WNK1: variants seen among roughly 807,000 people sequenced by gnomAD.
The protein encoded by WNK1 is serine/threonine-protein kinase WNK1.
WNK1 carries 38 observed loss-of-function variants against 222.8 expected under a neutral mutation model. That is an observed-to-expected ratio of 0.17 (90% CI 0.13 to 0.22). The LOEUF is 0.22. Among genes scored for constraint, WNK1 ranks in the 10% least tolerant of loss-of-function variants. WNK1 has a pLI of 1.00. For missense variants in WNK1, 2,348 were observed against 2,918.4 expected (o/e 0.80, Z 4.50); for synonymous variants, 1,090 against 1,092.9 (o/e 1.00, Z 0.05).
chr12:873,462 T>C (rs1341311432), intron 9 of WNK1, among the ~76,000 whole-genome samples: 1 of 152,198 alleles, frequency 6.6e-6, no homozygotes, highest in Non-Finnish European at 1.5e-5. Context: ...GATACTTTTA[T>C]AGCATGTGTT....
intron 8 of WNK1, chr12:868,346 G>A (rs762005120): frequency 6.2e-7 from 1 of 1,613,748 alleles, no homozygotes; most frequent in Non-Finnish European, 8.5e-7. Flanking sequence ...CAACTCATCA[G>A]TACTGTCAAG....
chr12:794,756 A>G (rs1328045682), intron 1 of WNK1, among the ~76,000 whole-genome samples: 2 of 152,038 alleles, frequency 1.3e-5, no homozygotes, highest in African/African-American at 4.8e-5. Context: ...TAAAATATTT[A>G]TGTATTCATT....
chr12:809,657 A>T (rs1383348282), intron 1 of WNK1, among the ~76,000 whole-genome samples: 1 of 152,168 alleles, frequency 6.6e-6, no homozygotes, highest in Non-Finnish European at 1.5e-5. Context: ...CCAGGCCTTC[A>T]ATCTCTAATT....
Position 889,136 on chromosome 12 carries a change from T to G in WNK1, c.5365-4T>G. 1.9e-6 allele frequency: 3 copies of G among 1,613,812 alleles called. No homozygotes were observed. In the Middle Eastern group the frequency reaches 4.9e-4, roughly 266 times the overall value. On this transcript the variant is annotated splice_polypyrimidine_tract_variant and splice_region_variant and intron_variant, in intron 20 of 27. Coordinates refer to ENST00000315939, the MANE Select transcript of WNK1 (RefSeq NM_018979.4). ...CTGTATTTACTGTGATTGTTTTCATTCAGTCCCAGCAACCTCTAGAGGATC... is the reference window on the plus strand; with the variant it reads ...CTGTATTTACTGTGATTGTTTTCATGCAGTCCCAGCAACCTCTAGAGGATC...
At chr12:865,677 T>A (rs1005275726) in intron 8 of WNK1, among the ~76,000 whole-genome samples, 2 of 152,218 alleles carry the variant, frequency 1.3e-5, no homozygotes, top group African/African-American at 4.8e-5. Flanking sequence ...ATATTCTAGT[T>A]TTAAAAGGAT....
chr12:821,000 A>G (rs1305357811), intron 2 of WNK1, among the ~76,000 whole-genome samples: 1 of 138,778 alleles, frequency 7.2e-6, no homozygotes, highest in Non-Finnish European at 1.5e-5. Flanking sequence ...GTTCTTTATC[A>G]TGTTGAGGAA....
intron 2 of WNK1, among the ~76,000 whole-genome samples, chr12:822,454 A>G (rs1256571938): frequency 2.0e-5 from 3 of 152,010 alleles, no homozygotes; most frequent in African/African-American, 7.2e-5. Flanking sequence ...CTCCTTCATT[A>G]CTACCTTTTT....
At chr12:816,887 A>G (rs1403746800) in intron 2 of WNK1, among the ~76,000 whole-genome samples, 1 of 152,218 alleles carries the variant, frequency 6.6e-6, no homozygotes, top group Non-Finnish European at 1.5e-5. Context: ...ATTACAAACA[A>G]TTATTTACAT....
rs1939487058 is a variant in WNK1 at position 753,447 on chromosome 12, G to C, written c.-119G>C. On this transcript the variant is annotated 5_prime_UTR_variant, in exon 1 of 28. Transcript: ENST00000315939. This position sits in a 1 kb window ranked among gnomAD's most constrained non-coding sequence, Gnocchi z 5.2. ...TCGGTGCTGAGTGAGGCGTCGTCCG[G>C]GTCGGCGCGAACCCGCCCGGCCGCG... The C allele has an allele frequency of 1.2e-5, 17 of 1,368,504 alleles. No homozygotes were observed. The South Asian group carries it at 1.8e-4, about 14-fold the overall frequency. The allele number at this position is 1,368,504 out of a possible 1,614,324, so 84.8% of individuals were successfully genotyped here.
chr12:861,364 A>G, intron 7 of WNK1, 21 bp downstream of exon 7: 1 of 1,611,198 alleles, frequency 6.2e-7, no homozygotes, highest in Non-Finnish European at 8.5e-7. Flanking sequence ...TGGGAAGTGG[A>G]CAGATAGGCT....
chr12:776,039 C>G (rs942593342), intron 1 of WNK1, among the ~76,000 whole-genome samples: 7 of 151,984 alleles, frequency 4.6e-5, no homozygotes, highest in African/African-American at 1.7e-4. Context: ...TGTCTGTGAC[C>G]CCAAAGACAA....
chr12:871,108 A>G (rs184609218), intron 8 of WNK1, among the ~76,000 whole-genome samples, 157 bp from the exon 9 acceptor site: 1 of 152,336 alleles, frequency 6.6e-6, no homozygotes, highest in African/African-American at 2.4e-5. Flanking sequence ...TTTTCTTACA[A>G]AAGTTGACCC....
intron 19 of WNK1, 151 bp from the exon 20 acceptor site, chr12:887,070 G>T: frequency 1.3e-6 from 1 of 747,898 alleles, no homozygotes. Context: ...TTTTAAGACA[G>T]ATACCAGAGA....
In WNK1 at chr12:880,917, T is replaced by C. The variant is rs769099133; in HGVS notation, c.3029T>C (p.Val1010Ala). ...ESNLLVPMGG[V>A]GGQVQVSQPG... ...AATCTTTTAGTTCCTATGGGTGGTG[T>C]AGGAGGACAGGTTCAAGTGTCCCAG... The change falls in exon 12 of 28, where the codon GTA becomes GCA. Residue 1010 changes from valine (V) to alanine (A), a missense_variant. This residue lies in a region of WNK1 where 547 missense variants were observed against 558.3 expected (regional missense o/e 0.98). Transcript: ENST00000315939. The C allele has an allele frequency of 1.8e-5, 29 of 1,614,012 alleles. No homozygotes were observed. The highest frequency in any genetic ancestry group is 2.5e-5 in the Non-Finnish European group (29 of 1,180,038).
chr12:876,811 T>G (rs1017945175), intron 9 of WNK1, among the ~76,000 whole-genome samples: 12 of 152,110 alleles, frequency 7.9e-5, no homozygotes, highest in Admixed American at 2.6e-4. Context: ...GTTTTTGTTT[T>G]GTTTATTTTA....
intron 1 of WNK1, among the ~76,000 whole-genome samples, chr12:788,402 T>C (rs1448985920): frequency 6.6e-6 from 1 of 152,166 alleles, no homozygotes; most frequent in Admixed American, 6.6e-5. Flanking sequence ...TTCATAGTTA[T>C]ACTCTGCTAA....
Position 884,101 on chromosome 12 carries a change from G to A in WNK1, c.3722-20G>A, listed in dbSNP as rs1953436905. 6.2e-7 allele frequency: 1 copy of A among 1,614,006 alleles called. No individual in the cohort carries two copies. The highest frequency in any genetic ancestry group is 8.5e-7 in the Non-Finnish European group (1 of 1,179,978). ...ATAATAATGCTATTAAGTTACGTTT[G>A]TTTGTTTGTTTTTGACCAGGCATTC... On this transcript the variant is annotated intron_variant, in intron 17 of 27. Coordinates refer to ENST00000315939, the MANE Select transcript of WNK1 (RefSeq NM_018979.4). This position sits in a 1 kb window ranked among gnomAD's most constrained non-coding sequence, Gnocchi z 5.6.
rs145483910 is a variant in WNK1, at chr12:833,070, T to C, written c.1311+2910T>C. 1.1e-4 allele frequency among the ~76,000 whole-genome samples: 17 copies of C among 152,284 alleles called. No individual in the cohort carries two copies. The East Asian group carries it at 3.3e-3, about 29-fold the overall frequency. ...CTGTTTATTGGGTAATTTCCTCCTT[T>C]ATTTTGTTTAAAATTGTAGAAAACT... is the stretch of plus-strand genomic sequence containing the variant. On this transcript the variant is annotated intron_variant, in intron 4 of 27. Coordinates refer to ENST00000315939, the MANE Select transcript of WNK1 (RefSeq NM_018979.4).
intron 9 of WNK1, among the ~76,000 whole-genome samples, chr12:871,599 G>A (rs72649876): frequency 3.9e-5 from 6 of 152,062 alleles, no homozygotes; most frequent in Admixed American, 1.3e-4. Flanking sequence ...CTTTTTAAAA[G>A]AGGATTCTAC....
Sources: gnomAD v4.1 joint callset for allele counts (sites outside exome capture counted in the v4.1 genomes callset) on GRCh38, gnomAD v4.1.1 for gene constraint, gnomAD v4.1.1 regional missense constraint, Gnocchi (gnomAD v3.1) non-coding constraint, MANE v1.5 for transcripts, NCBI Gene and HGNC (gene_info 2026-07-23, HGNC 2026-07-21) for gene names.